The following TTC7B variants were observed in gnomAD, a reference collection of about 807,000 sequenced individuals.
TTC7B encodes the protein tetratricopeptide repeat protein 7B.
In TTC7B, 28 loss-of-function variants were observed where a neutral mutation model predicts 106.8. That is an observed-to-expected ratio of 0.26 (90% confidence interval 0.19 to 0.36). The LOEUF is 0.36. Ranked by LOEUF, TTC7B falls within the 10% of genes least tolerant of loss-of-function variation. The probability of loss-of-function intolerance (pLI) is 1.00; values close to 1 mark genes in which losing one functional copy is unlikely to be tolerated. For synonymous variants in TTC7B, 405 were observed against 430.6 expected, an observed-to-expected ratio of 0.94 and a Z score of 0.74; for missense variants, 862 against 1,076.4, an observed-to-expected ratio of 0.80 and a Z score of 2.79.
intron 17 of TTC7B, 37 bp downstream of exon 17, chr14:90,610,705 T>A: frequency 6.8e-7 from 1 of 1,469,220 alleles, no homozygotes; most frequent in Non-Finnish European, 9.5e-7. Context: ...ACATTCTCCA[T>A]TACACCATTT....
chr14:90,541,289 C>T lies in TTC7B; in HGVS notation c.*79G>A. ...GGCCTCAGTGTGGCAGATTCATCCC[C>T]TTGGGGCGATGGCACAAGCCCTGGT... On this transcript the variant is annotated 3_prime_UTR_variant, in exon 20 of 20. Coordinates refer to ENST00000328459, the MANE Select transcript of TTC7B (RefSeq NM_001010854.2). The T allele has an allele frequency of 7.3e-7, 1 of 1,371,984 alleles. No homozygotes were observed. Among genetic ancestry groups the T allele is most frequent in the Non-Finnish European group, 9.9e-7 (1 of 1,010,968 alleles). The allele number at this position is 1,371,984 out of a possible 1,614,324, so 85.0% of individuals were successfully genotyped here.
intron 19 of TTC7B, among the ~76,000 whole-genome samples, chr14:90,555,341 C>T (rs903376576): frequency 6.6e-6 from 1 of 152,198 alleles, no homozygotes; most frequent in Non-Finnish European, 1.5e-5. Flanking sequence ...TACCTGGCGG[C>T]TGCCAGATTC....
rs771403756 is a variant in TTC7B at position 90,578,106 on chromosome 14, C to T, written c.2310G>A (p.Leu770=). Residue 770 remains leucine, a splice_region_variant and synonymous_variant, in exon 19 of 20, where the codon CTG becomes CTA. Transcript: ENST00000328459. This position sits in a 1 kb window ranked among gnomAD's most constrained non-coding sequence, Gnocchi z 4.7. The part of the protein sequence containing the change: ...SPTHVKSMQR[L]ALILHQLGRY... ...GCCACCGCCGGGCTCGTGGACTCAC[C>T]AGTCGCTGCATGCTCTTCACGTGGG... The T allele has an allele frequency of 6.2e-7, 1 of 1,608,410 alleles. No individual in the cohort carries two copies. The highest frequency in any genetic ancestry group is 8.5e-7 in the Non-Finnish European group (1 of 1,177,578).
chr14:90,579,975 G>A (rs984787683), intron 18 of TTC7B, among the ~76,000 whole-genome samples: 3 of 152,214 alleles, frequency 2.0e-5, no homozygotes, highest in Middle Eastern at 3.2e-3. Context: ...CACAGCTGCT[G>A]CCAGGTTAAC....
chr14:90,758,461 T>TGGGCG (rs1267590790), intron 3 of TTC7B, among the ~76,000 whole-genome samples: 2 of 3,770 alleles, frequency 5.3e-4, no homozygotes, highest in Non-Finnish European at 1.0e-3. Context: ...GGAGGGGAGA[T>TGGGCG]GGGCGGGGCG....
At chr14:90,630,167 C>A (rs1489993211) in intron 15 of TTC7B, among the ~76,000 whole-genome samples, 2 of 152,186 alleles carry the variant, frequency 1.3e-5, no homozygotes, top group African/African-American at 4.8e-5. Flanking sequence ...GCCTCATAAA[C>A]CAAATCTTCA....
rs1889485055 is a variant in TTC7B at position 90,538,896 on chromosome 14, T to A, written c.*2472A>T. ...CGGCTCTCTTTCCACCTCCTCATTC[T>A]CTTTTTCTGTGTTGGCATCATTCTC... On this transcript the variant is annotated 3_prime_UTR_variant, in exon 20 of 20. Transcript: ENST00000328459. 6.6e-6 allele frequency: 1 copy of A among 152,216 alleles called. No individual in the cohort carries two copies. Among genetic ancestry groups the A allele is most frequent in the African/African-American group, 2.4e-5 (1 of 41,444 alleles). The allele number at this position is 152,216 out of a possible 1,614,324, so 9.4% of individuals were successfully genotyped here. A position where few individuals can be genotyped will look rare whatever the true frequency, so the allele number is the denominator to read the frequency against.
At chr14:90,660,417 A>AAAAAAAAAAAAAAAAAGAAAAG (rs1555386791) in intron 9 of TTC7B, among the ~76,000 whole-genome samples, 1 of 119,430 alleles carries the variant, frequency 8.4e-6, no homozygotes, top group African/African-American at 3.7e-5. Context: ...AAAAAAAAAA[A>AAAAAAAAAAAAAAAAAGAAAAG]AAAAGAAAAG....
At chr14:90,777,100 T>C (rs1163653227) in intron 3 of TTC7B, among the ~76,000 whole-genome samples, 1 of 151,788 alleles carries the variant, frequency 6.6e-6, no homozygotes, top group Non-Finnish European at 1.5e-5. Context: ...ATTAGCCAGG[T>C]GTGATAGTGC....
intron 5 of TTC7B, among the ~76,000 whole-genome samples, chr14:90,720,886 A>G (rs4904723): frequency 0.083 from 12,702 of 152,124 alleles, 1,331 homozygotes; most frequent in African/African-American, 0.25. Context: ...TGCTGTCTCG[A>G]CCCTAGTTCC....
At chr14:90,555,342 T>C (rs1028464034) in intron 19 of TTC7B, among the ~76,000 whole-genome samples, 3 of 152,146 alleles carry the variant, frequency 2.0e-5, no homozygotes, top group Non-Finnish European at 2.9e-5. Context: ...ACCTGGCGGC[T>C]GCCAGATTCC....
chr14:90,587,148 AT>A (rs887381407), intron 18 of TTC7B, among the ~76,000 whole-genome samples: 2 of 151,878 alleles, frequency 1.3e-5, no homozygotes, highest in South Asian at 2.1e-4. Flanking sequence ...AGCTGGAGTG[AT>A]TTTTTTTCCG....
intron 19 of TTC7B, among the ~76,000 whole-genome samples, chr14:90,556,402 G>C (rs908011845): frequency 6.6e-5 from 10 of 152,130 alleles, no homozygotes; most frequent in Non-Finnish European, 1.5e-4. Context: ...GCTCATAGGA[G>C]GGGGGAAGCT....
At chr14:90,628,321 C>T (rs895492401) in intron 15 of TTC7B, among the ~76,000 whole-genome samples, 1 of 152,188 alleles carries the variant, frequency 6.6e-6, no homozygotes, top group Non-Finnish European at 1.5e-5. Flanking sequence ...AAGCAAGTCC[C>T]GGGCCTCTTC....
chr14:90,573,158 G>T (rs1384034426), intron 19 of TTC7B, among the ~76,000 whole-genome samples: 1 of 152,124 alleles, frequency 6.6e-6, no homozygotes, highest in Non-Finnish European at 1.5e-5. Flanking sequence ...TAAGGGGATG[G>T]CCCCTTCATG....
chr14:90,782,892 A>G (rs991853584), intron 2 of TTC7B, among the ~76,000 whole-genome samples: 1 of 152,030 alleles, frequency 6.6e-6, no homozygotes, highest in African/African-American at 2.4e-5. Context: ...TACACTGTAC[A>G]CTTACAAAGA....
At chr14:90,687,761 C>T (rs1887302517) in intron 7 of TTC7B, among the ~76,000 whole-genome samples, 1 of 152,124 alleles carries the variant, frequency 6.6e-6, no homozygotes, top group Non-Finnish European at 1.5e-5. Context: ...ATTAAGCAAA[C>T]TCATGGTTCA....
At chr14:90,725,818 A>G (rs1201511971) in intron 5 of TTC7B, among the ~76,000 whole-genome samples, 1 of 152,240 alleles carries the variant, frequency 6.6e-6, no homozygotes, top group Non-Finnish European at 1.5e-5. Flanking sequence ...GTGAAAACAC[A>G]CTACAATCCG....
chr14:90,551,073 G>T (rs528718808), intron 19 of TTC7B, among the ~76,000 whole-genome samples: 1 of 152,302 alleles, frequency 6.6e-6, no homozygotes, highest in African/African-American at 2.4e-5. Context: ...GTACACCACA[G>T]ATCTGACACT....
Sources: allele counts gnomAD v4.1 joint callset (sites outside exome capture counted in the v4.1 genomes callset), GRCh38; gene constraint gnomAD v4.1.1; non-coding constraint Gnocchi (gnomAD v3.1); transcripts MANE v1.5; gene names NCBI Gene and HGNC (gene_info 2026-07-23, HGNC 2026-07-21).